ATAD5: variants seen among roughly 807,000 people sequenced by gnomAD.
The protein encoded by ATAD5 is ATPase family AAA domain-containing protein 5.
In ATAD5, 58 loss-of-function variants were observed where a neutral mutation model predicts 176.9. The ratio of observed to expected loss-of-function variants is 0.33; its 90% CI spans 0.27 to 0.41. The LOEUF is 0.41. Ranked by LOEUF, ATAD5 falls within the 10% of genes least tolerant of loss-of-function variation. The probability of loss-of-function intolerance (pLI) is 1.00; values close to 1 mark genes in which losing one functional copy is unlikely to be tolerated. For synonymous variants in ATAD5, 640 were observed against 712.6 expected, an observed-to-expected ratio of 0.90 and a Z score of 1.62; for missense variants, 1,789 against 2,094.1, an observed-to-expected ratio of 0.85 and a Z score of 2.84.
Position 30,865,248 on chromosome 17 carries a change from T to C in ATAD5, c.3137-456T>C, listed in dbSNP as rs541732125. ...AGTGCAGTGGCGCGATCTCCGCTCA[T>C]TGCAAGCTCCGCCTCCCGGGTTCAC... On this transcript the variant is annotated intron_variant, in intron 10 of 22. Transcript: ENST00000321990. Among the ~76,000 whole-genome samples, 18 of 151,624 alleles carry C rather than the reference T, an allele frequency of 1.2e-4. No individual in the cohort carries two copies. In the South Asian group the frequency reaches 3.7e-3, roughly 32 times the overall value.
chr17:30,840,566 A>T, intron 3 of ATAD5, 51 bp from the exon 4 acceptor site: 4 of 1,222,782 alleles, frequency 3.3e-6, no homozygotes, highest in Non-Finnish European at 4.4e-6. Context: ...CTATTATTAA[A>T]TATAAAATAT....
chr17:30,880,793 G>A (rs952121080), intron 18 of ATAD5, among the ~76,000 whole-genome samples: 1 of 151,830 alleles, frequency 6.6e-6, no homozygotes, highest in South Asian at 2.1e-4. Context: ...CCTAGTAAAA[G>A]TGCTTTTCTG....
intron 6 of ATAD5, among the ~76,000 whole-genome samples, chr17:30,850,526 A>G (rs1435536486): frequency 6.6e-6 from 1 of 151,746 alleles, no homozygotes; most frequent in Non-Finnish European, 1.5e-5. Context: ...ATGTCCAGCT[A>G]ATTGTTTTTT....
chr17:30,844,088 TTTTTGTTTTG>T (rs758171029), intron 5 of ATAD5, 49 bp downstream of exon 5: 8 of 1,342,030 alleles, frequency 6.0e-6, no homozygotes, highest in Non-Finnish European at 7.9e-6. Flanking sequence ...TGTTTTGGGG[TTTTTGTTTTG>T]TTTTGTTTTT....
intron 7 of ATAD5, among the ~76,000 whole-genome samples, chr17:30,856,452 G>T (rs1345598696): frequency 6.6e-6 from 1 of 152,154 alleles, no homozygotes; most frequent in Non-Finnish European, 1.5e-5. Flanking sequence ...GTTTTTGTTT[G>T]TTTGTTTGTT....
intron 6 of ATAD5, among the ~76,000 whole-genome samples, chr17:30,850,629 G>A (rs1430926522): frequency 2.0e-5 from 3 of 150,888 alleles, no homozygotes; most frequent in Non-Finnish European, 4.4e-5. Context: ...TTATCTTTCT[G>A]TGTTCAGCTT....
intron 6 of ATAD5, among the ~76,000 whole-genome samples, chr17:30,845,191 A>C (rs185546529): frequency 2.0e-5 from 3 of 152,196 alleles, no homozygotes; most frequent in Admixed American, 6.5e-5. Context: ...TTAAATACCT[A>C]CTAGTATGTA....
At chr17:30,865,492 A>T (rs568038726) in intron 10 of ATAD5, among the ~76,000 whole-genome samples, 1 of 152,194 alleles carries the variant, frequency 6.6e-6, no homozygotes, top group South Asian at 2.1e-4. Context: ...TATTTTAATA[A>T]GATTATGGTG....
At chr17:30,846,846 G>A (rs1030158122) in intron 6 of ATAD5, among the ~76,000 whole-genome samples, 2 of 151,176 alleles carry the variant, frequency 1.3e-5, no homozygotes, top group Non-Finnish European at 1.5e-5. Context: ...TCAGCTTCCC[G>A]AGTAGCTGGG....
chr17:30,864,403 A>G (rs1907851221), intron 10 of ATAD5: 1 of 152,226 alleles, frequency 6.6e-6, no homozygotes. Context: ...ACATGGATAC[A>G]TTCCATGATG....
In ATAD5 at chr17:30,834,928, C is replaced by A; in HGVS notation, c.847C>A (p.Pro283Thr). The A allele has an allele frequency of 6.2e-7, 1 of 1,611,900 alleles. No homozygotes were observed. Among genetic ancestry groups the A allele is most frequent in the Non-Finnish European group, 8.5e-7 (1 of 1,179,256 alleles). The change falls in exon 2 of 23, where the codon CCA (proline) becomes ACA (threonine). Residue 283 changes from proline (P) to threonine (T), a missense_variant. Pro to Thr is a conservative substitution (Grantham distance 38). Coordinates refer to ENST00000321990, the MANE Select transcript of ATAD5 (RefSeq NM_024857.5). ...CAAGGAAAATAAAGTGGAAGAGATA[C>A]CAGACTCTACAATGTCAATTTGTGT... ...SHKENKVEEIPDSTMSICVPS... is the reference protein window; with the variant it reads ...SHKENKVEEITDSTMSICVPS...
chr17:30,842,377 A>G (rs1011038079), intron 4 of ATAD5, among the ~76,000 whole-genome samples: 2 of 152,128 alleles, frequency 1.3e-5, no homozygotes, highest in African/African-American at 2.4e-5. Context: ...CTTTCCTGAT[A>G]TGTACTTTTG....
Position 30,853,790 on chromosome 17 carries a change from G to A in ATAD5, c.2451-1353G>A, listed in dbSNP as rs370097502. Reference sequence around the variant, plus strand: ...ACTGTAGTCAGCCTCCCTATGATTTGCAATCTGAAGATAAACTGGGCAAAA... The same window carrying A: ...ACTGTAGTCAGCCTCCCTATGATTTACAATCTGAAGATAAACTGGGCAAAA... On this transcript the variant is annotated intron_variant, in intron 6 of 22. Coordinates refer to ENST00000321990, the MANE Select transcript of ATAD5 (RefSeq NM_024857.5). 1.1e-3 allele frequency among the ~76,000 whole-genome samples: 171 copies of A among 152,150 alleles called. 5 individuals are homozygous for A. The South Asian group carries it at 0.034, about 30-fold the overall frequency.
At position 30,848,613 on chromosome 17, in the gene ATAD5, G is replaced by A. The variant is rs868599366; in HGVS notation, c.2450+3697G>A. On this transcript the variant is annotated intron_variant, in intron 6 of 22. Coordinates refer to ENST00000321990, the MANE Select transcript of ATAD5 (RefSeq NM_024857.5). ...GTGAGCTTTGTCAGTTGTACACCCA[G>A]TGAAACCACCATAATCAAGATACCA... Among the ~76,000 whole-genome samples, 4 of 152,196 alleles carry A rather than the reference G, an allele frequency of 2.6e-5. No individual in the cohort carries two copies. The South Asian group carries it at 6.2e-4, about 24-fold the overall frequency.
Position 30,893,336 on chromosome 17 carries a change from C to A in ATAD5, c.4483C>A (p.Leu1495Ile). Reference sequence around the variant, plus strand: ...GGAAGAATGGCATAAATTCATCCAGCTTCTTACAGAATTCCAAATGCGGAA... The same window carrying A: ...GGAAGAATGGCATAAATTCATCCAGATTCTTACAGAATTCCAAATGCGGAA... Reference protein sequence around the residue: ...MKEEWHKFIQLLTEFQMRNVD... With the variant: ...MKEEWHKFIQILTEFQMRNVD... Residue 1495 changes from leucine to isoleucine, a missense_variant, in exon 21 of 23, where the codon CTT (leucine) becomes ATT (isoleucine). By Grantham distance (5) the Leu-to-Ile change is conservative. This residue lies in a region of ATAD5 where 403 missense variants were observed against 495.1 expected (regional missense o/e 0.81). Coordinates refer to ENST00000321990, the MANE Select transcript of ATAD5 (RefSeq NM_024857.5). 6.3e-7 allele frequency: 1 copy of A among 1,586,978 alleles called. No individual in the cohort carries two copies. The highest frequency in any genetic ancestry group is 8.6e-7 in the Non-Finnish European group (1 of 1,169,574).
At chr17:30,843,767 T>C (rs1335285787) in intron 4 of ATAD5, 146 bp from the exon 5 acceptor site, 5 of 420,976 alleles carry the variant, frequency 1.2e-5, no homozygotes, top group Non-Finnish European at 2.1e-5. Context: ...TTGTGTGTTT[T>C]CTGTTTCAAT....
intron 10 of ATAD5, chr17:30,861,863 T>C (rs1288984237): frequency 2.0e-5 from 3 of 151,532 alleles, no homozygotes; most frequent in African/African-American, 7.3e-5. Context: ...TGGCAGCACA[T>C]ATACTAAAAT....
chr17:30,857,096 G>T lies in ATAD5; in HGVS notation c.2777G>T (p.Gly926Val), dbSNP rs774086923. Residue 926 changes from glycine (G) to valine (V), a missense_variant, in exon 8 of 23, where the codon GGT (glycine) becomes GTT (valine). Coordinates refer to ENST00000321990, the MANE Select transcript of ATAD5 (RefSeq NM_024857.5). Reference protein sequence around the residue: ...FSTLNSKLKSGNSAAVFMRTR... With the variant: ...FSTLNSKLKSVNSAAVFMRTR... ...ACATTGAATTCAAAGTTGAAAAGCGGTAACTCTGCTGCTGTGGTAAGTATT... is the reference window on the plus strand; with the variant it reads ...ACATTGAATTCAAAGTTGAAAAGCGTTAACTCTGCTGCTGTGGTAAGTATT... The T allele has an allele frequency of 6.2e-7, 1 of 1,610,934 alleles. No individual in the cohort carries two copies. Among genetic ancestry groups the T allele is most frequent in the South Asian group, 1.1e-5 (1 of 90,224 alleles).
chr17:30,832,637 G>C (rs1443390448), intron 1 of ATAD5, among the ~76,000 whole-genome samples: 1 of 151,528 alleles, frequency 6.6e-6, no homozygotes, highest in African/African-American at 2.4e-5. Context: ...CGGGGTCACA[G>C]TAAATTGGGG....
Sources: gnomAD v4.1 joint callset for allele counts (sites outside exome capture counted in the v4.1 genomes callset) on GRCh38, gnomAD v4.1.1 for gene constraint, gnomAD v4.1.1 regional missense constraint, MANE v1.5 for transcripts, NCBI Gene and HGNC (gene_info 2026-07-23, HGNC 2026-07-21) for gene names.